SLC10A7: variants seen among roughly 807,000 people sequenced by gnomAD.
The protein encoded by SLC10A7 is sodium/bile acid cotransporter 7.
Under a neutral mutation model 43.2 loss-of-function variants are expected in SLC10A7, and 29 were observed. The observed-to-expected ratio is 0.67, with a 90% confidence interval of 0.50 to 0.92. SLC10A7 has a LOEUF of 0.92. SLC10A7 is among the 40% of genes least tolerant of loss of function. The pLI is 0.00. For missense variants in SLC10A7, 295 were observed against 403.2 expected (o/e 0.73, Z 2.30); for synonymous variants, 152 against 144.8 (o/e 1.05, Z -0.35).
intron 4 of SLC10A7, among the ~76,000 whole-genome samples, chr4:146,481,574 G>T (rs1287052506): frequency 6.6e-6 from 1 of 152,138 alleles, no homozygotes; most frequent in Non-Finnish European, 1.5e-5. Context: ...TGAGCCTCTG[G>T]AGCACCCCTT....
chr4:146,315,031 T>C (rs906830910), intron 6 of SLC10A7, among the ~76,000 whole-genome samples: 1 of 152,140 alleles, frequency 6.6e-6, no homozygotes, highest in Non-Finnish European at 1.5e-5. Flanking sequence ...ACAGGTAGCT[T>C]CCTTTCATTC....
At chr4:146,507,416 C>T (rs1333481958) in intron 3 of SLC10A7, among the ~76,000 whole-genome samples, 1 of 151,972 alleles carries the variant, frequency 6.6e-6, no homozygotes, top group African/African-American at 2.4e-5. Flanking sequence ...AAAAATTAGC[C>T]GGGCATGGTG....
intron 10 of SLC10A7, among the ~76,000 whole-genome samples, chr4:146,282,453 G>A (rs1729612259): frequency 6.6e-6 from 1 of 152,046 alleles, no homozygotes; most frequent in South Asian, 2.1e-4. Flanking sequence ...TTTTTAATAT[G>A]AGTTTTTGCC....
chr4:146,258,868 C>T (rs1422367560), intron 10 of SLC10A7, 31 bp from the exon 11 acceptor site: 12 of 1,593,100 alleles, frequency 7.5e-6, no homozygotes, highest in Middle Eastern at 1.7e-4. Context: ...AAAACCTAAA[C>T]CAAATTCAGT....
intron 6 of SLC10A7, among the ~76,000 whole-genome samples, chr4:146,320,408 G>A (rs1732622320): frequency 6.6e-6 from 1 of 152,106 alleles, no homozygotes; most frequent in South Asian, 2.1e-4. Context: ...TGAGAGTAGG[G>A]TGGGTATAGT....
chr4:146,518,910 G>A (rs901202309), intron 1 of SLC10A7, among the ~76,000 whole-genome samples: 40 of 150,744 alleles, frequency 2.7e-4, no homozygotes, highest in Non-Finnish European at 4.6e-4. Flanking sequence ...CTGTTGTACT[G>A]AGCCACCTGG....
intron 5 of SLC10A7, among the ~76,000 whole-genome samples, chr4:146,337,531 CTTGCTTTAGAATCATGGTTCAG>C (rs1733973818): frequency 6.6e-6 from 1 of 151,918 alleles, no homozygotes; most frequent in African/African-American, 2.4e-5. Context: ...TGTAGTATTT[CTTGCTTTAGAATCATGGTTCAG>C]TTGATATAAA....
At chr4:146,329,490 G>C (rs76899469) in intron 5 of SLC10A7, among the ~76,000 whole-genome samples, 3,921 of 152,228 alleles carry the variant, frequency 0.026, 80 homozygotes, top group Non-Finnish European at 0.04. Context: ...CCATCTACTA[G>C]GTAAGAATGC....
At chr4:146,300,047 A>G (rs1731058365) in intron 7 of SLC10A7, among the ~76,000 whole-genome samples, 1 of 152,182 alleles carries the variant, frequency 6.6e-6, no homozygotes, top group Non-Finnish European at 1.5e-5. Flanking sequence ...AAAGGGAGAA[A>G]GAGTGAAGGA....
intron 7 of SLC10A7, among the ~76,000 whole-genome samples, chr4:146,305,498 G>T (rs1731495834): frequency 6.6e-6 from 1 of 150,850 alleles, no homozygotes; most frequent in African/African-American, 2.4e-5. Context: ...TGGGTGCAGT[G>T]CACCAGCATG....
At chr4:146,457,361 C>T (rs1046515287) in intron 4 of SLC10A7, among the ~76,000 whole-genome samples, 1 of 151,894 alleles carries the variant, frequency 6.6e-6, no homozygotes, top group Non-Finnish European at 1.5e-5. Context: ...TCTCCTCAAG[C>T]ATCCATCCCT....
chr4:146,421,156 T>G (rs1224789951), intron 5 of SLC10A7, among the ~76,000 whole-genome samples: 1 of 152,130 alleles, frequency 6.6e-6, no homozygotes, highest in Non-Finnish European at 1.5e-5. Context: ...ATTTGAGAGA[T>G]TTAATCTTAT....
intron 5 of SLC10A7, chr4:146,441,576 A>C: frequency 1.4e-6 from 1 of 695,772 alleles, no homozygotes; most frequent in Non-Finnish European, 1.8e-6. Flanking sequence ...TCTATTAAAC[A>C]ATTGTGACAA....
chr4:146,319,946 C>A (rs1172519146), intron 6 of SLC10A7, among the ~76,000 whole-genome samples: 1 of 151,896 alleles, frequency 6.6e-6, no homozygotes, highest in African/African-American at 2.4e-5. Flanking sequence ...GGAGAAAAGG[C>A]GAAGAATATG....
chr4:146,464,156 G>A (rs1399101671), intron 4 of SLC10A7, among the ~76,000 whole-genome samples: 4 of 151,944 alleles, frequency 2.6e-5, no homozygotes, highest in African/African-American at 9.6e-5. Context: ...AAAAAAAGCT[G>A]GAACTATCAG....
chr4:146,275,361 T>C (rs143013622), intron 10 of SLC10A7, among the ~76,000 whole-genome samples: 1 of 152,326 alleles, frequency 6.6e-6, no homozygotes, highest in African/African-American at 2.4e-5. Flanking sequence ...TCATCTAGTC[T>C]GAACTTTTCA....
rs534837615 is a variant in SLC10A7 at position 146,303,454 on chromosome 4, T to C, written c.555+2472A>G. Among the ~76,000 whole-genome samples, 339 of 151,292 alleles carry C rather than the reference T, an allele frequency of 2.2e-3. 2 individuals carry two copies. The highest frequency in any genetic ancestry group is 8.0e-3 in the African/African-American group (328 of 41,158). ...GTGCGGTGGCACAATCTTGACTCAC[T>C]GCAACCTCCGCCTCCCAGGTTCAAG... On this transcript the variant is annotated intron_variant, in intron 7 of 11. Coordinates refer to ENST00000335472, the MANE Select transcript of SLC10A7 (RefSeq NM_001029998.6).
chr4:146,332,342 GCT>G (rs551328182), intron 5 of SLC10A7, among the ~76,000 whole-genome samples: 350 of 152,266 alleles, frequency 2.3e-3, no homozygotes, highest in Non-Finnish European at 4.1e-3. Flanking sequence ...CTATGATTTG[GCT>G]CTGTGTCCCC....
At chr4:146,299,436 T>C (rs1040975713) in intron 7 of SLC10A7, among the ~76,000 whole-genome samples, 1 of 152,156 alleles carries the variant, frequency 6.6e-6, no homozygotes, top group Non-Finnish European at 1.5e-5. Flanking sequence ...TAATGATACA[T>C]ACTAAGCTGA....
Sources: allele counts gnomAD v4.1 joint callset (sites outside exome capture counted in the v4.1 genomes callset), GRCh38; gene constraint gnomAD v4.1.1; transcripts MANE v1.5; gene names NCBI Gene and HGNC (gene_info 2026-07-23, HGNC 2026-07-21).